GRK5: variants seen among roughly 807,000 people sequenced by gnomAD.
GRK5 encodes g protein-coupled receptor kinase GRK5.
In GRK5, 40 loss-of-function variants were observed where a neutral mutation model predicts 78.4. That is an observed-to-expected ratio of 0.51 (90% CI 0.40 to 0.66). The LOEUF is 0.66. Among genes scored for constraint, GRK5 ranks in the 30% least tolerant of loss-of-function variants. The pLI is 0.00. For missense variants in GRK5, 598 were observed against 759.9 expected (o/e 0.79, Z 2.50); for synonymous variants, 289 against 296.8 (o/e 0.97, Z 0.27).
At chr10:119,403,096 C>T (rs1460733645) in intron 4 of GRK5, among the ~76,000 whole-genome samples, 1 of 152,204 alleles carries the variant, frequency 6.6e-6, no homozygotes, top group East Asian at 1.9e-4. Context: ...CACTAATCTA[C>T]TTTCTGTCTC....
At position 119,418,665 on chromosome 10, in the gene GRK5, C is replaced by T. The variant is rs561829604; in HGVS notation, c.340-4501C>T. ...AAGGGGCAGGCATTCATGGCGGGGA[C>T]TTCAAGCAGAGAAACTCCCCTGCTC... On this transcript the variant is annotated intron_variant, in intron 4 of 15. Transcript: ENST00000392870. 1.3e-4 allele frequency among the ~76,000 whole-genome samples: 20 copies of T among 152,338 alleles called. 1 individual carries two copies. In the East Asian group the frequency reaches 3.9e-3, roughly 29 times the overall value.
intron 2 of GRK5, among the ~76,000 whole-genome samples, chr10:119,360,989 C>G (rs1851353940): frequency 6.6e-6 from 1 of 152,204 alleles, no homozygotes; most frequent in Admixed American, 6.5e-5. Context: ...CTCTTTGGGA[C>G]AGCAGGTGCC....
In GRK5 at chr10:119,207,868, A is replaced by G. The variant is rs575765965; in HGVS notation, c.-50A>G. ...GCGGCAGCAGCAGCGGCAGCACCCC[A>G]GGCGCTGACAGCCCCGCCGGCCGGC... On this transcript the variant is annotated 5_prime_UTR_variant, in exon 1 of 16. Coordinates refer to ENST00000392870, the MANE Select transcript of GRK5 (RefSeq NM_005308.3). The G allele has an allele frequency of 6.5e-6, 10 of 1,534,478 alleles. No individual in the cohort carries two copies. The South Asian group carries it at 1.1e-4, about 16-fold the overall frequency.
Position 119,321,081 on chromosome 10 carries a change from T to C in GRK5, c.53-5435T>C, listed in dbSNP as rs1850575653. Among the ~76,000 whole-genome samples, 3 of 152,198 alleles carry C rather than the reference T, an allele frequency of 2.0e-5. No homozygotes were observed. In the South Asian group the frequency reaches 6.2e-4, roughly 31 times the overall value. ...CCCGCAGCAGCTTGAGAGCCAAACATTTGTCTAGACGTGGTGCCTTCTCTG... is the reference window on the plus strand; with the variant it reads ...CCCGCAGCAGCTTGAGAGCCAAACACTTGTCTAGACGTGGTGCCTTCTCTG... On this transcript the variant is annotated intron_variant, in intron 1 of 15. Coordinates refer to ENST00000392870, the MANE Select transcript of GRK5 (RefSeq NM_005308.3).
At chr10:119,218,862 A>G (rs1191155614) in intron 1 of GRK5, among the ~76,000 whole-genome samples, 3 of 151,990 alleles carry the variant, frequency 2.0e-5, no homozygotes, top group Admixed American at 2.0e-4. Flanking sequence ...CAGCTTGAGT[A>G]TCCCTAACTG....
chr10:119,392,024 G>A (rs1024808515), intron 3 of GRK5, among the ~76,000 whole-genome samples: 1 of 152,150 alleles, frequency 6.6e-6, no homozygotes, highest in Non-Finnish European at 1.5e-5. Context: ...CTAAACCTAG[G>A]GCCGGCTTCT....
intron 2 of GRK5, among the ~76,000 whole-genome samples, chr10:119,340,835 C>T (rs908139207): frequency 2.0e-5 from 3 of 152,200 alleles, no homozygotes; most frequent in Admixed American, 6.5e-5. Flanking sequence ...GTGTTTCTGG[C>T]AGAGAGTGCT....
At chr10:119,381,035 T>TCA in intron 3 of GRK5, 108 bp downstream of exon 3, 1 of 672,616 alleles carries the variant, frequency 1.5e-6, no homozygotes, top group East Asian at 2.6e-5. Flanking sequence ...AGGAATAAAC[T>TCA]CACTGCTTAC....
At chr10:119,453,992 G>A (rs183169129) in intron 15 of GRK5, among the ~76,000 whole-genome samples, 8 of 152,272 alleles carry the variant, frequency 5.3e-5, no homozygotes, top group East Asian at 1.9e-4. Flanking sequence ...CATACACCCC[G>A]TCTTGGCCTG....
chr10:119,359,548 G>T (rs543830908), intron 2 of GRK5, among the ~76,000 whole-genome samples: 1 of 152,350 alleles, frequency 6.6e-6, no homozygotes, highest in Non-Finnish European at 1.5e-5. Flanking sequence ...GCCTTCCTCA[G>T]AGCAAAGACC....
At chr10:119,410,331 G>A (rs893391557) in intron 4 of GRK5, among the ~76,000 whole-genome samples, 6 of 152,098 alleles carry the variant, frequency 3.9e-5, no homozygotes, top group Non-Finnish European at 7.4e-5. Context: ...CTCGCTTCCC[G>A]ACCCCTAAGC....
rs1849227530 is a variant in GRK5 at position 119,253,033 on chromosome 10, C to T, written c.52+45064C>T. Among the ~76,000 whole-genome samples, 1 of 152,120 alleles carries T rather than the reference C, an allele frequency of 6.6e-6. No individual in the cohort carries two copies. On this transcript the variant is annotated intron_variant, in intron 1 of 15. Coordinates refer to ENST00000392870, the MANE Select transcript of GRK5 (RefSeq NM_005308.3). This position sits in a 1 kb window ranked among gnomAD's most constrained non-coding sequence, Gnocchi z 5.7. ...TGGACTACAGAGGATCCCCTAGCCACACTGGAGAGGGGACAGTGCCCTGGT... is the reference window on the plus strand; with the variant it reads ...TGGACTACAGAGGATCCCCTAGCCATACTGGAGAGGGGACAGTGCCCTGGT...
At chr10:119,398,561 C>T (rs1177950975) in intron 4 of GRK5, among the ~76,000 whole-genome samples, 1 of 152,216 alleles carries the variant, frequency 6.6e-6, no homozygotes, top group Non-Finnish European at 1.5e-5. Context: ...TCTGTGCCCC[C>T]ATAGGGCTAC....
intron 3 of GRK5, among the ~76,000 whole-genome samples, chr10:119,389,837 C>CA (rs1851860635): frequency 6.9e-6 from 1 of 145,056 alleles, no homozygotes; most frequent in Non-Finnish European, 1.5e-5. Flanking sequence ...CACACACACA[C>CA]CCAACACACA....
intron 3 of GRK5, among the ~76,000 whole-genome samples, chr10:119,382,244 C>T (rs1436071056): frequency 6.6e-6 from 1 of 152,050 alleles, no homozygotes; most frequent in Non-Finnish European, 1.5e-5. Context: ...GAGGCTCTGC[C>T]TTGGGCTTCG....
intron 2 of GRK5, among the ~76,000 whole-genome samples, chr10:119,372,814 T>G (rs1851566442): frequency 6.6e-6 from 1 of 152,236 alleles, no homozygotes; most frequent in Non-Finnish European, 1.5e-5. Context: ...CAAAAAATGT[T>G]CAAGTAAAGA....
At chr10:119,293,076 T>C (rs6585542) in intron 1 of GRK5, among the ~76,000 whole-genome samples, 2,086 of 152,344 alleles carry the variant, frequency 0.014, 55 homozygotes, top group African/African-American at 0.046. Flanking sequence ...TTTTCCCATC[T>C]TATAAATAAA....
intron 1 of GRK5, among the ~76,000 whole-genome samples, chr10:119,279,281 A>G (rs749767230): frequency 2.6e-5 from 4 of 152,102 alleles, no homozygotes; most frequent in Non-Finnish European, 5.9e-5. Context: ...CTTATCCTCA[A>G]ATTTCTCCAA....
At chr10:119,250,643 C>G (rs576059612) in intron 1 of GRK5, among the ~76,000 whole-genome samples, 21 of 152,122 alleles carry the variant, frequency 1.4e-4, no homozygotes, top group African/African-American at 4.8e-4. Flanking sequence ...GCCACTGTGC[C>G]TGGCCCTACA....
Sources: allele counts gnomAD v4.1 joint callset (sites outside exome capture counted in the v4.1 genomes callset), GRCh38; gene constraint gnomAD v4.1.1; non-coding constraint Gnocchi (gnomAD v3.1); transcripts MANE v1.5; gene names NCBI Gene and HGNC (gene_info 2026-07-23, HGNC 2026-07-21).